CNTNAP2: variants seen among roughly 807,000 people sequenced by gnomAD.
CNTNAP2 encodes the protein contactin associated protein 2, also known as contactin-associated protein-like 2.
A neutral mutation model predicts 155.2 loss-of-function variants in CNTNAP2; 98 were observed. The ratio of observed to expected loss-of-function variants is 0.63; its 90% CI spans 0.54 to 0.75. The LOEUF (loss-of-function observed/expected upper bound fraction) is 0.75. Among genes scored for constraint, CNTNAP2 ranks in the 30% least tolerant of loss-of-function variants. CNTNAP2 has a pLI of 0.00. For missense variants in CNTNAP2, 1,727 were observed against 1,688.1 expected (o/e 1.02, Z -0.40); for synonymous variants, 651 against 631.2 (o/e 1.03, Z -0.47).
chr7:146,901,831 C>T (rs1796008170), intron 3 of CNTNAP2, among the ~76,000 whole-genome samples: 2 of 146,714 alleles, frequency 1.4e-5, no homozygotes, highest in South Asian at 2.1e-4. Context: ...ATATTTGTTG[C>T]TCTTTGAGCC....
intron 1 of CNTNAP2, among the ~76,000 whole-genome samples, chr7:146,410,697 G>T (rs1473220069): frequency 1.3e-5 from 2 of 151,984 alleles, no homozygotes; most frequent in African/African-American, 4.8e-5. Flanking sequence ...CCTTCTATGT[G>T]CCCATGTATT....
At chr7:146,746,261 C>G (rs887485378) in intron 1 of CNTNAP2, among the ~76,000 whole-genome samples, 1 of 152,068 alleles carries the variant, frequency 6.6e-6, no homozygotes, top group African/African-American at 2.4e-5. Context: ...AAGACAGTTT[C>G]AATGAACATC....
At chr7:146,239,469 C>A (rs1799525637) in intron 1 of CNTNAP2, among the ~76,000 whole-genome samples, 2 of 152,186 alleles carry the variant, frequency 1.3e-5, no homozygotes, top group African/African-American at 2.4e-5. Flanking sequence ...GCACAGTTTT[C>A]TCAGTAAAAA....
At chr7:147,055,556 A>C (rs993314135) in intron 4 of CNTNAP2, among the ~76,000 whole-genome samples, 1 of 152,200 alleles carries the variant, frequency 6.6e-6, no homozygotes, top group Non-Finnish European at 1.5e-5. Context: ...GACGTAAAGC[A>C]ACTGAGACCA....
chr7:146,230,300 C>G (rs1339224876), intron 1 of CNTNAP2, among the ~76,000 whole-genome samples: 1 of 152,078 alleles, frequency 6.6e-6, no homozygotes, highest in Non-Finnish European at 1.5e-5. Context: ...CAAAGCAGTG[C>G]CTGGCAGGAA....
chr7:147,736,904 A>C (rs561582242), intron 13 of CNTNAP2, among the ~76,000 whole-genome samples: 22 of 152,220 alleles, frequency 1.4e-4, no homozygotes, highest in South Asian at 4.1e-4. Flanking sequence ...TGCATTGGTT[A>C]TTCTAGTTAG....
At position 146,589,899 on chromosome 7, in the gene CNTNAP2, A is replaced by T. The variant is rs985709427; in HGVS notation, c.98-184372A>T. ...TCCTTTGGTTCCTCTGCATCCACAT[A>T]GTATACCAGGAAGAGAAAGAATAGA... On this transcript the variant is annotated intron_variant, in intron 1 of 23. Coordinates refer to ENST00000361727, the MANE Select transcript of CNTNAP2 (RefSeq NM_014141.6). Among the ~76,000 whole-genome samples, 7 of 152,164 alleles carry T rather than the reference A, an allele frequency of 4.6e-5. 1 individual carries two copies. The highest frequency in any genetic ancestry group is 3.9e-4 in the Admixed American group (6 of 15,266).
chr7:147,799,009 C>G (rs1204675213), intron 13 of CNTNAP2, among the ~76,000 whole-genome samples: 1 of 152,164 alleles, frequency 6.6e-6, no homozygotes, highest in African/African-American at 2.4e-5. Flanking sequence ...CCTTCTCTCA[C>G]CTGCCTACAC....
At chr7:147,870,626 A>G (rs1179724818) in intron 13 of CNTNAP2, among the ~76,000 whole-genome samples, 1 of 152,234 alleles carries the variant, frequency 6.6e-6, no homozygotes, top group Non-Finnish European at 1.5e-5. Context: ...GGCATTCAAC[A>G]TAAAATCAGA....
At chr7:147,022,878 C>A (rs1798840312) in intron 3 of CNTNAP2, among the ~76,000 whole-genome samples, 1 of 151,850 alleles carries the variant, frequency 6.6e-6, no homozygotes, top group Admixed American at 6.6e-5. Flanking sequence ...CATCAAACAC[C>A]ACAGCGCTGG....
At chr7:146,873,512 A>T (rs147642660) in intron 3 of CNTNAP2, among the ~76,000 whole-genome samples, 161 of 152,238 alleles carry the variant, frequency 1.1e-3, no homozygotes, top group African/African-American at 3.4e-3. Flanking sequence ...TAGAGGGTGA[A>T]AGTGTAGAAC....
chr7:146,187,868 T>C (rs1224146300), intron 1 of CNTNAP2, among the ~76,000 whole-genome samples: 1 of 152,130 alleles, frequency 6.6e-6, no homozygotes, highest in Non-Finnish European at 1.5e-5. Context: ...TAATAACAAA[T>C]GTGAGGTAGT....
At position 146,547,845 on chromosome 7, in the gene CNTNAP2, G is replaced by GTTT. The variant is rs386411578; in HGVS notation, c.98-226416_98-226414dup. ...CTCACGGTGGAATTACTTTATCATG[G>GTTT]TTTTTTTTTTTTAAAGGAACCTTAA... On this transcript the variant is annotated intron_variant, in intron 1 of 23. Transcript: ENST00000361727. Among the ~76,000 whole-genome samples the GTTT allele has an allele frequency of 8.8e-3, 1,306 of 147,884 alleles. 15 individuals carry two copies. The highest frequency in any genetic ancestry group is 0.026 in the African/African-American group (1,067 of 40,456).
intron 1 of CNTNAP2, among the ~76,000 whole-genome samples, chr7:146,748,667 G>A (rs999710460): frequency 1.3e-5 from 2 of 152,110 alleles, no homozygotes; most frequent in Non-Finnish European, 2.9e-5. Flanking sequence ...CAATGTAATG[G>A]AAAACATTTA....
chr7:148,319,199 C>T, intron 21 of CNTNAP2, among the ~76,000 whole-genome samples: 1 of 152,090 alleles, frequency 6.6e-6, no homozygotes, highest in East Asian at 1.9e-4. Context: ...GTAATGATGC[C>T]TGGAAAATAC....
At chr7:147,297,661 C>T (rs965362032) in intron 8 of CNTNAP2, among the ~76,000 whole-genome samples, 11 of 152,116 alleles carry the variant, frequency 7.2e-5, no homozygotes, top group Non-Finnish European at 1.3e-4. Flanking sequence ...CAGTACTTTT[C>T]GTGAGTTCAA....
intron 13 of CNTNAP2, among the ~76,000 whole-genome samples, chr7:147,852,416 A>G (rs1352426893): frequency 6.6e-6 from 1 of 152,204 alleles, no homozygotes; most frequent in Non-Finnish European, 1.5e-5. Context: ...ACTTAGCAAC[A>G]TGATTAGATG....
chr7:146,509,629 G>A (rs187647425), intron 1 of CNTNAP2, among the ~76,000 whole-genome samples: 79 of 152,236 alleles, frequency 5.2e-4, no homozygotes, highest in Admixed American at 4.3e-3. Context: ...GTGTCAGATC[G>A]GGCAGGGGTC....
At chr7:147,612,678 G>A (rs568676771) in intron 12 of CNTNAP2, among the ~76,000 whole-genome samples, 1 of 152,138 alleles carries the variant, frequency 6.6e-6, no homozygotes, top group African/African-American at 2.4e-5. Flanking sequence ...AGGAATTACA[G>A]GCGTGATCCA....
Sources: gnomAD v4.1 joint callset for allele counts (sites outside exome capture counted in the v4.1 genomes callset) on GRCh38, gnomAD v4.1.1 for gene constraint, MANE v1.5 for transcripts, NCBI Gene and HGNC (gene_info 2026-07-23, HGNC 2026-07-21) for gene names.